Variants in SDHA observed in about 807,000 individuals in gnomAD.
SDHA encodes the protein succinate dehydrogenase [ubiquinone] flavoprotein subunit, mitochondrial.
Under a neutral mutation model 78.4 loss-of-function variants are expected in SDHA, and 48 were observed. The ratio of observed to expected loss-of-function variants is 0.61; its 90% CI spans 0.49 to 0.78. The LOEUF is 0.78. SDHA is among the 30% of genes least tolerant of loss of function. SDHA has a pLI of 0.00. For missense variants in SDHA, 680 were observed against 892.7 expected (o/e 0.76, Z 3.04); for synonymous variants, 326 against 353.9 (o/e 0.92, Z 0.88).
intron 5 of SDHA, among the ~76,000 whole-genome samples, chr5:227,077 C>G (rs569056800): frequency 6.6e-6 from 1 of 152,248 alleles, no homozygotes; most frequent in Non-Finnish European, 1.5e-5. Flanking sequence ...GTAGCACAAT[C>G]TCAGCTCACT....
At chr5:235,762 A>AC in intron 9 of SDHA, 4 of 323,352 alleles carry the variant, frequency 1.2e-5, no homozygotes, top group South Asian at 5.1e-5. Flanking sequence ...ACGGGGTAGA[A>AC]CAGTCTGGAA....
Position 225,485 on chromosome 5 carries a change from G to A in SDHA, c.379G>A (p.Val127Met), listed in dbSNP as rs777600956. The stretch of plus-strand genomic sequence containing the variant: ...CTGGAGGTGGCATTTCTACGACACC[G>A]TGAAGGGCTCCGACTGGCTGGGGGA... ...DNWRWHFYDT[V>M]KGSDWLGDQD... The change falls in exon 4 of 15, where the codon GTG (valine) becomes ATG (methionine). Residue 127 changes from valine (V) to methionine (M), a missense_variant. Physicochemically the swap from Val to Met is conservative, Grantham distance 21. Coordinates refer to ENST00000264932, the MANE Select transcript of SDHA (RefSeq NM_004168.4). The A allele has an allele frequency of 1.3e-5, 21 of 1,613,702 alleles. No individual in the cohort carries two copies. Among genetic ancestry groups the A allele is most frequent in the East Asian group, 4.5e-5 (2 of 44,900 alleles).
At chr5:236,916 C>T (rs1018865868) in intron 10 of SDHA, among the ~76,000 whole-genome samples, 2 of 148,826 alleles carry the variant, frequency 1.3e-5, no homozygotes, top group East Asian at 1.9e-4. Flanking sequence ...CCCAAAGTAT[C>T]GGGATTACAG....
downstream of SDHA, among the ~76,000 whole-genome samples, chr5:257,474 GTGAGCTCCGCCTCCT>G (rs1308808654): frequency 6.8e-6 from 1 of 146,436 alleles, no homozygotes; most frequent in African/African-American, 2.6e-5. Context: ...GCATTACTCT[GTGAGCTCCGCCTCCT>G]GTCAGAGCGT....
rs753410011 is a variant in SDHA, at chr5:235,336, G to T, written c.1257G>T (p.Gly419=). ...NMGGIPTNYK[G]QVLRHVNGQD... ...GCGGCATTCCCACCAACTACAAGGG[G>T]CAGGTGATGGTGCTGGCTCCTCCCC... Residue 419 remains glycine, a synonymous_variant, in exon 9 of 15, where the codon GGG becomes GGT. Transcript: ENST00000264932. 1 of 1,614,192 alleles carries T rather than the reference G, an allele frequency of 6.2e-7. No individual in the cohort carries two copies. Among genetic ancestry groups the T allele is most frequent in the Non-Finnish European group, 8.5e-7 (1 of 1,180,016 alleles).
At chr5:224,589 T>G (rs1167553787) in intron 3 of SDHA, 68 bp downstream of exon 3, 7 of 1,553,658 alleles carry the variant, frequency 4.5e-6, no homozygotes, top group Non-Finnish European at 2.7e-6. Flanking sequence ...ACTTTCTACC[T>G]GGGCAGCCCC....
In SDHA at chr5:250,714, C is replaced by G. The variant is rs1410623180; in HGVS notation, c.1552-278C>G. On this transcript the variant is annotated intron_variant, in intron 11 of 14. Coordinates refer to ENST00000264932, the MANE Select transcript of SDHA (RefSeq NM_004168.4). ...TGGAACATGGTGCCTCACAGGCAGT[C>G]TGCTTGGAGTCCTGGACCCTGGCTG... The G allele has an allele frequency of 9.7e-6, 4 of 412,904 alleles. No homozygotes were observed. In the Admixed American group the frequency reaches 1.4e-4, roughly 15 times the overall value. 25.6% of individuals were successfully genotyped at this position (412,904 alleles called of 1,614,324 possible).
At chr5:227,042 ACT>A (rs1235119909) in intron 5 of SDHA, among the ~76,000 whole-genome samples, 1 of 151,736 alleles carries the variant, frequency 6.6e-6, no homozygotes, top group Admixed American at 6.6e-5. Context: ...ACGGAGTCTC[ACT>A]CTGTCACCCA....
intron 1 of SDHA, among the ~76,000 whole-genome samples, chr5:220,815 A>AT (rs753343756): frequency 0.011 from 1,579 of 138,988 alleles, 27 homozygotes; most frequent in African/African-American, 0.025. Context: ...TGTGAACTGA[A>AT]TTTTTTTTTT....
chr5:250,638 C>T (rs1399482896), intron 11 of SDHA: 2 of 355,166 alleles, frequency 5.6e-6, no homozygotes, highest in Non-Finnish European at 1.1e-5. Context: ...CGTCAGGAGT[C>T]CCGCCAGGGG....
At chr5:233,811 A>G in intron 8 of SDHA, 166 bp downstream of exon 8, 1 of 661,538 alleles carries the variant, frequency 1.5e-6, no homozygotes, top group Non-Finnish European at 2.6e-6. Flanking sequence ...TTTCCTAAAG[A>G]CCTACATTTT....
chr5:262,930 T>C, the SDHA span, among the ~76,000 whole-genome samples: 2 of 152,226 alleles, frequency 1.3e-5, no homozygotes, highest in Non-Finnish European at 2.9e-5. Flanking sequence ...TTTTTCCTTA[T>C]ATTAATTTTT....
Position 228,317 on chromosome 5 carries a change from A to G in SDHA, c.754A>G (p.Thr252Ala), listed in dbSNP as rs746925557. 2 of 1,613,984 alleles carry G rather than the reference A, an allele frequency of 1.2e-6. No individual in the cohort carries two copies. The highest frequency in any genetic ancestry group is 1.3e-5 in the African/African-American group (1 of 75,032). ...CATCCATCGCATAAGAGCAAAGAAC[A>G]CTGTTGTTGCCACAGGGTAGGAATC... ...GSIHRIRAKNTVVATGGYGRT... is the reference protein window; with the variant it reads ...GSIHRIRAKNAVVATGGYGRT... Residue 252 changes from threonine to alanine, a missense_variant, in exon 6 of 15, where the codon ACT becomes GCT. Thr to Ala is a moderately conservative substitution (Grantham distance 58). Coordinates refer to ENST00000264932, the MANE Select transcript of SDHA (RefSeq NM_004168.4).
Position 251,332 on chromosome 5 carries a change from C to A in SDHA, c.1664-6C>A. The A allele has an allele frequency of 6.2e-7, 1 of 1,612,354 alleles. No homozygotes were observed. Among genetic ancestry groups the A allele is most frequent in the Non-Finnish European group, 8.5e-7 (1 of 1,179,398 alleles). On this transcript the variant is annotated splice_region_variant and splice_polypyrimidine_tract_variant and intron_variant, in intron 12 of 14. Transcript: ENST00000264932. ...CTGCCCCTGATGGAACTTTTTGTGT[C>A]CCCAGGAATGGTCTGGAACACGGAC...
chr5:231,180 C>G (rs1447796651), intron 7 of SDHA, among the ~76,000 whole-genome samples, 180 bp downstream of exon 7: 5 of 152,320 alleles, frequency 3.3e-5, no homozygotes, highest in Admixed American at 2.0e-4. Flanking sequence ...CCACACTCCC[C>G]TTCCCCTAAG....
chr5:253,269 A>G (rs1027744632), intron 13 of SDHA, among the ~76,000 whole-genome samples: 2 of 152,144 alleles, frequency 1.3e-5, no homozygotes, highest in African/African-American at 4.8e-5. Flanking sequence ...GTGAATGGGA[A>G]AATCATTTTT....
chr5:248,959 A>G (rs1352605510), intron 11 of SDHA: 2 of 408,664 alleles, frequency 4.9e-6, no homozygotes, highest in Non-Finnish European at 9.5e-6. Flanking sequence ...GGATTTGTGG[A>G]AACTGTTAAT....
intron 10 of SDHA, among the ~76,000 whole-genome samples, chr5:237,018 C>T (rs1293235569): frequency 7.1e-6 from 1 of 141,574 alleles, no homozygotes; most frequent in African/African-American, 3.0e-5. Context: ...TGGGTTTTTC[C>T]CCCAGAAGTG....
At chr5:257,764 G>A (rs971812220), downstream of SDHA, among the ~76,000 whole-genome samples, 954 of 83,058 alleles carry the variant, frequency 0.011, 60 homozygotes, top group Admixed American at 0.039. Flanking sequence ...TGTGAGCTCC[G>A]CCCCTGCCAG....
Sources: allele counts gnomAD v4.1 joint callset (sites outside exome capture counted in the v4.1 genomes callset), GRCh38; gene constraint gnomAD v4.1.1; transcripts MANE v1.5; gene names NCBI Gene and HGNC (gene_info 2026-07-23, HGNC 2026-07-21).